DCC: variants seen among roughly 807,000 people sequenced by gnomAD.
The protein encoded by DCC is netrin receptor DCC.
In DCC, 58 loss-of-function variants were observed where a neutral mutation model predicts 172.5. The ratio of observed to expected loss-of-function variants is 0.34; its 90% confidence interval spans 0.27 to 0.42. The LOEUF (loss-of-function observed/expected upper bound fraction) is 0.42. Among genes scored for constraint, DCC ranks in the 10% least tolerant of loss-of-function variants. The pLI is 1.00. For synonymous variants in DCC, 709 were observed against 644.5 expected, an observed-to-expected ratio of 1.10 and a Z score of -1.52; for missense variants, 1,740 against 1,791.0, an observed-to-expected ratio of 0.97 and a Z score of 0.51.
chr18:52,764,732 TC>T (rs142984463), intron 2 of DCC, among the ~76,000 whole-genome samples: 3,157 of 152,330 alleles, frequency 0.021, 107 homozygotes, highest in African/African-American at 0.071. Context: ...TTATAAGTTA[TC>T]CAACCTCAGA....
intron 5 of DCC, among the ~76,000 whole-genome samples, chr18:52,989,622 A>G (rs2041350809): frequency 6.6e-6 from 1 of 152,200 alleles, no homozygotes; most frequent in Admixed American, 6.5e-5. Context: ...TCTTGAAAAT[A>G]GAATAAATAT....
chr18:52,426,376 A>T (rs1035482023), intron 1 of DCC, among the ~76,000 whole-genome samples: 14 of 151,508 alleles, frequency 9.2e-5, no homozygotes, highest in African/African-American at 2.2e-4. Context: ...CATCTTTGAG[A>T]ATCTTCCTTT....
intron 1 of DCC, among the ~76,000 whole-genome samples, chr18:52,657,742 G>A (rs1425549599): frequency 6.6e-6 from 1 of 152,122 alleles, no homozygotes; most frequent in African/African-American, 2.4e-5. Context: ...ATTTCTGCAT[G>A]GGACTGTGAA....
chr18:53,127,643 C>T (rs1207673217), intron 7 of DCC, among the ~76,000 whole-genome samples: 1 of 152,076 alleles, frequency 6.6e-6, no homozygotes, highest in Non-Finnish European at 1.5e-5. Context: ...CAAATAAAAG[C>T]TTAGCCACTA....
intron 5 of DCC, among the ~76,000 whole-genome samples, chr18:53,024,898 G>A (rs550792140): frequency 6.6e-6 from 1 of 152,084 alleles, no homozygotes; most frequent in Non-Finnish European, 1.5e-5. Context: ...CTCTACCTGT[G>A]TATACCTCTT....
At chr18:52,808,958 T>C (rs1436683309) in intron 2 of DCC, among the ~76,000 whole-genome samples, 3 of 152,206 alleles carry the variant, frequency 2.0e-5, no homozygotes, top group Non-Finnish European at 2.9e-5. Context: ...TTGACTAAAA[T>C]GTTTCCACTT....
chr18:52,357,741 C>T (rs1343975537), intron 1 of DCC, among the ~76,000 whole-genome samples: 1 of 151,872 alleles, frequency 6.6e-6, no homozygotes, highest in Non-Finnish European at 1.5e-5. Flanking sequence ...TCAAGACCAT[C>T]CTGGCTAACA....
chr18:52,612,495 T>C (rs62083421), intron 1 of DCC, among the ~76,000 whole-genome samples: 51,092 of 151,346 alleles, frequency 0.34, 9,460 homozygotes, highest in Middle Eastern at 0.45. Context: ...TATCAATCTC[T>C]GCTTAAAACC....
Position 52,485,963 on chromosome 18 carries a change from T to A in DCC, c.91+145085T>A, listed in dbSNP as rs368685600. Among the ~76,000 whole-genome samples the A allele has an allele frequency of 3.9e-5, 6 of 152,168 alleles. No homozygotes were observed. In the East Asian group the frequency reaches 7.7e-4, roughly 20 times the overall value. ...AAAAGAAAACAAAGACACTGGTATGTTTCTATCCTTTCCCAGCTGATATTT... is the reference window on the plus strand; with the variant it reads ...AAAAGAAAACAAAGACACTGGTATGATTCTATCCTTTCCCAGCTGATATTT... On this transcript the variant is annotated intron_variant, in intron 1 of 28. Transcript: ENST00000442544.
At chr18:52,524,073 C>A (rs1341004128) in intron 1 of DCC, among the ~76,000 whole-genome samples, 2 of 152,088 alleles carry the variant, frequency 1.3e-5, no homozygotes, top group Non-Finnish European at 1.5e-5. Flanking sequence ...TCTCTAATAT[C>A]TAAATAATTA....
intron 15 of DCC, among the ~76,000 whole-genome samples, chr18:53,353,350 CCAA>C (rs2057834883): frequency 6.6e-6 from 1 of 151,086 alleles, no homozygotes; most frequent in Admixed American, 6.6e-5. Context: ...ATAAAACCCA[CCAA>C]CGTTATATTC....
intron 9 of DCC, among the ~76,000 whole-genome samples, chr18:53,188,880 C>T (rs1315199750): frequency 2.6e-5 from 4 of 152,236 alleles, no homozygotes; most frequent in Admixed American, 6.5e-5. Flanking sequence ...TGGCCTTCTC[C>T]TCTCTGTGTC....
intron 2 of DCC, among the ~76,000 whole-genome samples, chr18:52,888,066 A>G (rs898522487): frequency 1.3e-5 from 2 of 152,252 alleles, no homozygotes; most frequent in African/African-American, 4.8e-5. Flanking sequence ...ATCACAAAGA[A>G]TTAAAATCTC....
chr18:52,470,008 T>C (rs768587622), intron 1 of DCC, among the ~76,000 whole-genome samples: 2 of 152,220 alleles, frequency 1.3e-5, no homozygotes, highest in African/African-American at 4.8e-5. Flanking sequence ...CTTGGTCTTA[T>C]GCTCAAGAGA....
At chr18:52,953,637 C>T (rs957975624) in intron 5 of DCC, among the ~76,000 whole-genome samples, 22 of 152,192 alleles carry the variant, frequency 1.4e-4, no homozygotes, top group African/African-American at 5.3e-4. Context: ...TATTTCAAAG[C>T]ATTGACTACG....
At chr18:52,371,698 A>G (rs1216827855) in intron 1 of DCC, among the ~76,000 whole-genome samples, 1 of 152,208 alleles carries the variant, frequency 6.6e-6, no homozygotes, top group Non-Finnish European at 1.5e-5. Flanking sequence ...GGAATCATGA[A>G]AAAATAGAAT....
intron 3 of DCC, among the ~76,000 whole-genome samples, chr18:52,916,498 A>G (rs1373691586): frequency 1.3e-5 from 2 of 152,212 alleles, no homozygotes; most frequent in East Asian, 3.8e-4. Flanking sequence ...TTGCTAATCT[A>G]TAAATGTTTC....
chr18:52,822,560 A>G (rs1440050671), intron 2 of DCC, among the ~76,000 whole-genome samples: 3 of 152,224 alleles, frequency 2.0e-5, no homozygotes, highest in Non-Finnish European at 2.9e-5. Flanking sequence ...CCAAATTCCA[A>G]TTCTGCGTTT....
At chr18:52,795,141 T>G (rs1457349658) in intron 2 of DCC, among the ~76,000 whole-genome samples, 2 of 152,068 alleles carry the variant, frequency 1.3e-5, no homozygotes, top group Non-Finnish European at 2.9e-5. Flanking sequence ...ATTCTGGCCT[T>G]GTAGAATGAG....
Sources: allele counts gnomAD v4.1 joint callset (sites outside exome capture counted in the v4.1 genomes callset), GRCh38; gene constraint gnomAD v4.1.1; transcripts MANE v1.5; gene names NCBI Gene and HGNC (gene_info 2026-07-23, HGNC 2026-07-21).